Variants in UNC13C observed in about 807,000 individuals in gnomAD.
UNC13C encodes the protein unc-13 homolog C, also known as protein unc-13 homolog C.
UNC13C carries 174 observed loss-of-function variants against 245.4 expected under a neutral mutation model. The ratio of observed to expected loss-of-function variants is 0.71; its 90% CI spans 0.63 to 0.80. The LOEUF is 0.80. Among genes scored for constraint, UNC13C ranks in the 30% least tolerant of loss-of-function variants. UNC13C has a pLI of 0.00. For missense variants in UNC13C, 2,829 were observed against 2,602.9 expected, an observed-to-expected ratio of 1.09 and a Z score of -1.89; for synonymous variants, 992 against 895.1, an observed-to-expected ratio of 1.11 and a Z score of -1.93.
intron 10 of UNC13C, among the ~76,000 whole-genome samples, chr15:54,266,332 C>T (rs1214205316): frequency 6.6e-6 from 1 of 151,958 alleles, no homozygotes; most frequent in African/African-American, 2.4e-5. Flanking sequence ...ACAGAGGGTA[C>T]TGTAGAATGA....
chr15:54,151,838 G>GA (rs2032533090), intron 4 of UNC13C, among the ~76,000 whole-genome samples: 1 of 150,626 alleles, frequency 6.6e-6, no homozygotes, highest in African/African-American at 2.5e-5. Flanking sequence ...GTTCCATAAT[G>GA]GATCTACACA....
At chr15:53,976,721 A>G (rs540446904), upstream of UNC13C, 1 of 152,166 alleles carries the variant, frequency 6.6e-6, no homozygotes, top group African/African-American at 2.4e-5. Context: ...AAACATTTAC[A>G]TCACTGACAT....
At chr15:54,533,955 T>C (rs910645108) in intron 26 of UNC13C, among the ~76,000 whole-genome samples, 5 of 152,230 alleles carry the variant, frequency 3.3e-5, no homozygotes, top group Non-Finnish European at 5.9e-5. Flanking sequence ...GTGTCATATA[T>C]GTTAGTTTAC....
At chr15:54,405,765 T>G (rs2040278767) in intron 18 of UNC13C, among the ~76,000 whole-genome samples, 1 of 152,190 alleles carries the variant, frequency 6.6e-6, no homozygotes, top group Admixed American at 6.6e-5. Context: ...TGTATTTTAC[T>G]CATAATTGTT....
chr15:53,973,212 A>T (rs1412709406), upstream of UNC13C, among the ~76,000 whole-genome samples: 1 of 151,930 alleles, frequency 6.6e-6, no homozygotes, highest in Non-Finnish European at 1.5e-5. Context: ...TAAAACATTT[A>T]CTCCTCTGGA....
At chr15:54,271,297 A>G (rs1037789974) in intron 10 of UNC13C, among the ~76,000 whole-genome samples, 3 of 152,192 alleles carry the variant, frequency 2.0e-5, no homozygotes, top group Admixed American at 1.3e-4. Context: ...CACTTTGAAA[A>G]TGATAAAGTG....
At chr15:54,485,483 C>T (rs1250797538) in intron 19 of UNC13C, among the ~76,000 whole-genome samples, 1 of 152,230 alleles carries the variant, frequency 6.6e-6, no homozygotes, top group Non-Finnish European at 1.5e-5. Flanking sequence ...AGTGTCCAAG[C>T]TGCCCTGTCC....
the UNC13C span, among the ~76,000 whole-genome samples, chr15:53,843,251 G>A: frequency 4.6e-5 from 7 of 152,026 alleles, no homozygotes; most frequent in African/African-American, 1.7e-4. Flanking sequence ...ACCAGCCTGG[G>A]CAACATGGCA....
At chr15:53,872,540 T>G in the UNC13C span, among the ~76,000 whole-genome samples, 2 of 152,166 alleles carry the variant, frequency 1.3e-5, no homozygotes, top group African/African-American at 4.8e-5. Flanking sequence ...TTTTATGCCG[T>G]TTCAACAGTT....
At chr15:54,370,950 A>G (rs577816165) in intron 17 of UNC13C, among the ~76,000 whole-genome samples, 2 of 152,334 alleles carry the variant, frequency 1.3e-5, no homozygotes, top group South Asian at 2.1e-4. Context: ...GTATATGTAC[A>G]TTGTGGAATG....
intron 4 of UNC13C, among the ~76,000 whole-genome samples, chr15:54,203,779 C>CTGTGT (rs1567094832): frequency 5.7e-5 from 6 of 105,720 alleles, no homozygotes; most frequent in East Asian, 3.1e-4. Flanking sequence ...TATATACACA[C>CTGTGT]ACATATAGAT....
rs1489663537 is a variant in UNC13C, at chr15:54,285,220, G to GA, written c.3819-8670dup. On this transcript the variant is annotated intron_variant, in intron 10 of 32. Transcript: ENST00000260323. ...ATTTACAGTGCCTTAATACTACAAA[G>GA]AAAAACTATGAGAGAATTTAAAGTG... Among the ~76,000 whole-genome samples, 6 of 151,502 alleles carry GA rather than the reference G, an allele frequency of 4.0e-5. No homozygotes were observed. The East Asian group carries it at 1.2e-3, about 29-fold the overall frequency.
In UNC13C at chr15:54,228,875, A is replaced by T. The variant is rs573525357; in HGVS notation, c.3072-6155A>T. ...TGAGCCACCTAGATGGTGTATCTCT[A>T]GTTCATTTGCCCAAGTCCACTGGCT... On this transcript the variant is annotated intron_variant, in intron 4 of 32. Transcript: ENST00000260323. Among the ~76,000 whole-genome samples, 3 of 152,112 alleles carry T rather than the reference A, an allele frequency of 2.0e-5. No individual in the cohort carries two copies. The South Asian group carries it at 6.2e-4, about 31-fold the overall frequency.
At chr15:53,878,377 C>T in the UNC13C span, among the ~76,000 whole-genome samples, 17 of 152,122 alleles carry the variant, frequency 1.1e-4, no homozygotes, top group African/African-American at 4.1e-4. Context: ...TTACCTTGAT[C>T]AACACTCAGA....
chr15:54,015,605 A>T lies in UNC13C; in HGVS notation c.2702A>T (p.Gln901Leu), dbSNP rs763194286. Residue 901 changes from glutamine (Q) to leucine (L), a missense_variant, in exon 2 of 33, where the codon CAA (glutamine) becomes CTA (leucine). By Grantham distance (113) the Gln-to-Leu change is moderately radical. Transcript: ENST00000260323. Reference sequence around the variant, plus strand: ...ACTAGTATTACTGAAACAGATGAACAAATGCAAGCATATGATCACCTTTCA... The same window carrying T: ...ACTAGTATTACTGAAACAGATGAACTAATGCAAGCATATGATCACCTTTCA... ...NRTSITETDE[Q>L]MQAYDHLSYE... 6.2e-7 allele frequency: 1 copy of T among 1,613,846 alleles called. No individual in the cohort carries two copies. The highest frequency in any genetic ancestry group is 8.5e-7 in the Non-Finnish European group (1 of 1,179,812).
chr15:54,629,991 C>T (rs535531534), downstream of UNC13C: 87 of 152,256 alleles, frequency 5.7e-4, no homozygotes, highest in African/African-American at 2.0e-3. Flanking sequence ...GTCTTCAGAA[C>T]AAAGCCTGTT....
At chr15:54,470,257 T>TTTC (rs1157933480) in intron 19 of UNC13C, among the ~76,000 whole-genome samples, 1 of 151,620 alleles carries the variant, frequency 6.6e-6, no homozygotes, top group African/African-American at 2.4e-5. Flanking sequence ...AATGCTAGAC[T>TTTC]ATGAAATGTG....
chr15:53,945,584 T>G, the UNC13C span, among the ~76,000 whole-genome samples: 50,133 of 151,928 alleles, frequency 0.33, 8,327 homozygotes, highest in Middle Eastern at 0.34. Flanking sequence ...GGACTATCTC[T>G]TCTGTTCAGT....
At chr15:54,044,674 T>C (rs986855451) in intron 2 of UNC13C, among the ~76,000 whole-genome samples, 5 of 152,166 alleles carry the variant, frequency 3.3e-5, no homozygotes, top group African/African-American at 1.2e-4. Flanking sequence ...CATTGTGATA[T>C]TTTTTAAAAT....
Sources: allele counts gnomAD v4.1 joint callset (sites outside exome capture counted in the v4.1 genomes callset), GRCh38; gene constraint gnomAD v4.1.1; transcripts MANE v1.5; gene names NCBI Gene and HGNC (gene_info 2026-07-23, HGNC 2026-07-21).